SLC12A5: variants seen among roughly 807,000 people sequenced by gnomAD.
The protein encoded by SLC12A5 is K-Cl cotransporter 2.
In SLC12A5, 18 loss-of-function variants were observed where a neutral mutation model predicts 124.0. That is an observed-to-expected ratio of 0.15 (90% CI 0.10 to 0.22). The LOEUF (loss-of-function observed/expected upper bound fraction) is 0.22. Ranked by LOEUF, SLC12A5 falls within the 10% of genes least tolerant of loss-of-function variation. The pLI, the probability that SLC12A5 is intolerant of heterozygous loss-of-function variation, is 1.00. For synonymous variants in SLC12A5, 589 were observed against 568.0 expected (o/e 1.04, Z -0.53); for missense variants, 867 against 1,478.7 (o/e 0.59, Z 6.78).
At chr20:46,021,997 T>C in intron 1 of SLC12A5, 1 of 1,239,582 alleles carries the variant, frequency 8.1e-7, no homozygotes, top group Non-Finnish European at 1.1e-6. Flanking sequence ...CGGGGAGGGG[T>C]CCCAGCCCTA....
Position 46,057,106 on chromosome 20 carries a change from G to A in SLC12A5, c.3126-64G>A, listed in dbSNP as rs1471629609. 1.9e-6 allele frequency: 3 copies of A among 1,606,818 alleles called. No individual in the cohort carries two copies. Among genetic ancestry groups the A allele is most frequent in the Admixed American group, 3.3e-5 (2 of 59,814 alleles). ...GCAGCCCAGTTCGGGCTGGAAGGGC[G>A]ACTGGCTCCAATCTTCTCTACCCCC... On this transcript the variant is annotated intron_variant, in intron 24 of 25. Coordinates refer to ENST00000243964, the MANE Select transcript of SLC12A5 (RefSeq NM_020708.5). This position sits in a 1 kb window ranked among gnomAD's most constrained non-coding sequence, Gnocchi z 7.1.
chr20:46,047,701 C>G, intron 15 of SLC12A5, 128 bp downstream of exon 15: 1 of 1,244,952 alleles, frequency 8.0e-7, no homozygotes, highest in Non-Finnish European at 1.1e-6. Flanking sequence ...GAGGATGGGG[C>G]TGGAGTAGAG....
chr20:46,025,829 G>A (rs910294900), upstream of SLC12A5, among the ~76,000 whole-genome samples: 3 of 152,174 alleles, frequency 2.0e-5, no homozygotes, highest in African/African-American at 4.8e-5. Flanking sequence ...AAGAGTGAAG[G>A]AGGGCATTCA....
upstream of SLC12A5, among the ~76,000 whole-genome samples, chr20:46,024,572 AGACT>A (rs1044853581): frequency 2.6e-5 from 4 of 152,202 alleles, no homozygotes; most frequent in African/African-American, 9.7e-5. Flanking sequence ...AGCATGTCTA[AGACT>A]GGGAAAGGTT....
intron 1 of SLC12A5, among the ~76,000 whole-genome samples, chr20:46,030,696 G>A (rs6104433): frequency 0.055 from 8,396 of 152,256 alleles, 738 homozygotes; most frequent in African/African-American, 0.19. Flanking sequence ...GGGTCTTCTA[G>A]GGATTGGCAA....
In SLC12A5 at chr20:46,041,348, C is replaced by T; in HGVS notation, c.874C>T (p.Arg292Cys). The change falls in exon 8 of 26, where the codon CGC (arginine) becomes TGC (cysteine). Residue 292 changes from arginine to cysteine, a missense_variant. Physicochemically the swap from Arg to Cys is radical, Grantham distance 180. Coordinates refer to ENST00000243964, the MANE Select transcript of SLC12A5 (RefSeq NM_020708.5). ...CCCTAGGATCTGCCTCCTGGGTAAC[C>T]GCACGCTGTCTCGCCATGGCTTTGA... ...PNFPICLLGN[R>C]TLSRHGFDVC... 1 of 1,614,082 alleles carries T rather than the reference C, an allele frequency of 6.2e-7. No individual in the cohort carries two copies.
Position 46,037,205 on chromosome 20 carries a change from G to A in SLC12A5, c.482-50G>A, listed in dbSNP as rs372297303. 1.3e-5 allele frequency: 20 copies of A among 1,548,844 alleles called. No homozygotes were observed. In the South Asian group the frequency reaches 1.9e-4, roughly 14 times the overall value. On this transcript the variant is annotated intron_variant, in intron 5 of 25. Coordinates refer to ENST00000243964, the MANE Select transcript of SLC12A5 (RefSeq NM_020708.5). Reference sequence around the variant, plus strand: ...TCACTGAACACCCCTCACCCCTTACGGCAGCCCAGTGCCCCCGACCCTCTC... The same window carrying A: ...TCACTGAACACCCCTCACCCCTTACAGCAGCCCAGTGCCCCCGACCCTCTC...
At chr20:46,042,957 C>G (rs536036903) in intron 8 of SLC12A5, among the ~76,000 whole-genome samples, 196 bp from the exon 9 acceptor site, 1 of 152,240 alleles carries the variant, frequency 6.6e-6, no homozygotes, top group South Asian at 2.1e-4. Context: ...TCTGATTAGT[C>G]TGTGAAAGGT....
At chr20:46,033,093 C>A (rs112684316) in intron 1 of SLC12A5, among the ~76,000 whole-genome samples, 3 of 151,998 alleles carry the variant, frequency 2.0e-5, no homozygotes, top group East Asian at 3.9e-4. Flanking sequence ...TTGGAGCAGG[C>A]GAGGCATCAC....
At chr20:46,021,931 AG>A (rs1177367596) in intron 1 of SLC12A5, 7 of 1,446,776 alleles carry the variant, frequency 4.8e-6, no homozygotes, top group Admixed American at 2.3e-5. Flanking sequence ...GGGCGGGACG[AG>A]GGGGAGGGGC....
At chr20:46,050,482 C>T (rs1400219518) in intron 17 of SLC12A5, among the ~76,000 whole-genome samples, 1 of 152,204 alleles carries the variant, frequency 6.6e-6, no homozygotes, top group East Asian at 1.9e-4. Context: ...GAGGGTCAGG[C>T]CTTTCTCCCA....
In SLC12A5 at chr20:46,029,400, A is replaced by ATACC; in HGVS notation, c.52+4_52+5insTACC. 1.9e-6 allele frequency: 3 copies of ATACC among 1,538,702 alleles called. No individual in the cohort carries two copies. Among genetic ancestry groups the ATACC allele is most frequent in the Non-Finnish European group, 8.8e-7 (1 of 1,139,164 alleles). On this transcript the variant is annotated splice_donor_region_variant and intron_variant, in intron 1 of 25. Coordinates refer to ENST00000243964, the MANE Select transcript of SLC12A5 (RefSeq NM_020708.5). ...GGCGATGGGGGAGCCAACCCGGGTA[A>ATACC]GCTGTGGTCCGGGGGCGGCGGGGGA...
At chr20:46,043,756 C>G in intron 10 of SLC12A5, 25 bp downstream of exon 10, 1 of 1,613,462 alleles carries the variant, frequency 6.2e-7, no homozygotes, top group Non-Finnish European at 8.5e-7. Flanking sequence ...TGTGCTGGGA[C>G]CACCCTCGGG....
In SLC12A5 at chr20:46,058,499, C is replaced by T. The variant is rs990501010; in HGVS notation, c.*894C>T. ...GCTGCAGAGACGCGAGCAACCTCTT[C>T]TCATCGGCTCTTATGCAAGTTGGGG... On this transcript the variant is annotated 3_prime_UTR_variant, in exon 26 of 26. Transcript: ENST00000243964. The surrounding 1 kb of genome is among the most constrained non-coding windows in gnomAD (Gnocchi z 5.8). 2.5e-6 allele frequency: 1 copy of T among 399,076 alleles called. No homozygotes were observed. Among genetic ancestry groups the T allele is most frequent in the African/African-American group, 2.1e-5 (1 of 48,644 alleles). 24.7% of individuals were successfully genotyped at this position (399,076 alleles called of 1,614,324 possible). A position where few individuals can be genotyped will look rare whatever the true frequency, so the allele number is the denominator to read the frequency against.
intron 8 of SLC12A5, among the ~76,000 whole-genome samples, chr20:46,042,103 A>G (rs138395852): frequency 2.2e-4 from 34 of 152,328 alleles, no homozygotes; most frequent in Middle Eastern, 6.8e-3. Context: ...TGTCTTTCCA[A>G]TCACAAGTAA....
chr20:46,028,020 C>T (rs1171682503), upstream of SLC12A5, among the ~76,000 whole-genome samples: 1 of 152,178 alleles, frequency 6.6e-6, no homozygotes, highest in Non-Finnish European at 1.5e-5. Flanking sequence ...TTTAGATCTT[C>T]TAGAGACTCA....
chr20:46,050,401 G>A (rs948902507), intron 17 of SLC12A5, among the ~76,000 whole-genome samples: 1 of 152,244 alleles, frequency 6.6e-6, no homozygotes, highest in Non-Finnish European at 1.5e-5. Context: ...GGCTGTGGTG[G>A]CCAGTGTCTG....
rs34923327 is a variant in SLC12A5, at chr20:46,022,943, G to GGGAGGAGGAGGA, written c.84_95dup (p.Gly29_Gly32dup). ...ATCGGCTTGTAGTGGCCCCAGCGAG[G>GGGAGGAGGAGGA]GGAGGAGGAGGAGGAGGAGGAGGAG... On this transcript the variant is annotated inframe_insertion, in exon 2 of 3. Coordinates refer to the SLC12A5 transcript ENST00000413737. 13,665 of 362,416 alleles carry GGGAGGAGGAGGA rather than the reference G, an allele frequency of 0.038. 159 individuals carry two copies. Among genetic ancestry groups the GGGAGGAGGAGGA allele is most frequent in the Non-Finnish European group, 0.045 (9,680 of 215,300 alleles). 22.5% of individuals were successfully genotyped at this position (362,416 alleles called of 1,614,324 possible).
At chr20:46,054,748 G>A (rs2084675072) in intron 20 of SLC12A5, among the ~76,000 whole-genome samples, 168 bp from the exon 21 acceptor site, 1 of 152,112 alleles carries the variant, frequency 6.6e-6, no homozygotes. Flanking sequence ...CTACGTCCTT[G>A]CCTCCTACAA....
Sources: allele counts gnomAD v4.1 joint callset (sites outside exome capture counted in the v4.1 genomes callset), GRCh38; gene constraint gnomAD v4.1.1; non-coding constraint Gnocchi (gnomAD v3.1); transcripts MANE v1.5; gene names NCBI Gene and HGNC (gene_info 2026-07-23, HGNC 2026-07-21).